Variants in RPF1 observed in about 807,000 individuals in gnomAD.
RPF1 encodes the protein ribosome production factor 1 homolog, also known as ribosome production factor 1.
Under a neutral mutation model 41.9 loss-of-function variants are expected in RPF1, and 34 were observed. The ratio of observed to expected loss-of-function variants is 0.81; its 90% CI spans 0.62 to 1.08. RPF1 has a LOEUF of 1.08. Ranked by LOEUF, RPF1 falls within the 50% of genes least tolerant of loss-of-function variation. RPF1 has a pLI of 0.00. For missense variants in RPF1, 425 were observed against 435.2 expected, an observed-to-expected ratio of 0.98 and a Z score of 0.21; for synonymous variants, 140 against 148.9, an observed-to-expected ratio of 0.94 and a Z score of 0.43.
chr1:84,492,385 T>C (rs935907420), intron 5 of RPF1, among the ~76,000 whole-genome samples: 12 of 152,230 alleles, frequency 7.9e-5, no homozygotes, highest in Non-Finnish European at 1.5e-4. Context: ...TTTTGACTTA[T>C]TCTAAAATAG....
chr1:84,493,587 CAAA>C (rs202049817), intron 5 of RPF1, among the ~76,000 whole-genome samples: 3 of 129,538 alleles, frequency 2.3e-5, no homozygotes, highest in African/African-American at 8.6e-5. Context: ...GAGACCGTCT[CAAA>C]AAAAAAAAAC....
intron 1 of RPF1, among the ~76,000 whole-genome samples, chr1:84,479,949 G>A (rs1681613563): frequency 1.3e-5 from 2 of 152,166 alleles, no homozygotes; most frequent in South Asian, 2.1e-4. Flanking sequence ...ACCGAAATTA[G>A]TACTGTAAAG....
chr1:84,480,814 C>T (rs1681631725), intron 1 of RPF1, 142 bp from the exon 2 acceptor site: 2 of 485,786 alleles, frequency 4.1e-6, no homozygotes, highest in Admixed American at 3.9e-5. Flanking sequence ...TAGAAAACTC[C>T]ACGTCCAGAT....
At chr1:84,480,544 C>T (rs536672090) in intron 1 of RPF1, among the ~76,000 whole-genome samples, 7 of 152,246 alleles carry the variant, frequency 4.6e-5, no homozygotes, top group African/African-American at 1.7e-4. Flanking sequence ...GAAAACTCAG[C>T]TCCCATTCCT....
At chr1:84,486,586 T>TAAAA (rs1456157366) in intron 3 of RPF1, among the ~76,000 whole-genome samples, 1 of 42,610 alleles carries the variant, frequency 2.3e-5, no homozygotes, top group African/African-American at 2.1e-4. Flanking sequence ...AGACTCCGTC[T>TAAAA]CAAAAAAAAA....
intron 4 of RPF1, 131 bp from the exon 5 acceptor site, chr1:84,490,188 T>G: frequency 1.6e-6 from 1 of 619,274 alleles, no homozygotes; most frequent in Non-Finnish European, 2.6e-6. Context: ...CTGTTCGAGT[T>G]TCATGCTTTC....
chr1:84,497,549 T>C lies in RPF1; in HGVS notation c.*79T>C. The C allele has an allele frequency of 9.3e-7, 1 of 1,076,008 alleles. No homozygotes were observed. The highest frequency in any genetic ancestry group is 2.6e-5 in the East Asian group (1 of 38,282). 66.7% of individuals were successfully genotyped at this position (1,076,008 alleles called of 1,614,324 possible). On this transcript the variant is annotated 3_prime_UTR_variant, in exon 9 of 9. Transcript: ENST00000370654. ...GTAAATTATTTTTGACAGAATACTC[T>C]TTTCAAAATGGCATTTGCTGATTTC...
chr1:84,493,815 G>A (rs1006909246), intron 5 of RPF1, among the ~76,000 whole-genome samples: 1 of 152,146 alleles, frequency 6.6e-6, no homozygotes, highest in African/African-American at 2.4e-5. Context: ...AAAAATGCAT[G>A]CTAGGATTCA....
At chr1:84,493,620 CCCTA>C (rs1465704520) in intron 5 of RPF1, among the ~76,000 whole-genome samples, 1 of 151,788 alleles carries the variant, frequency 6.6e-6, no homozygotes, top group Non-Finnish European at 1.5e-5. Context: ...AAATTCCCAT[CCCTA>C]CCTAAGTTTT....
chr1:84,479,613 C>A, intron 1 of RPF1, 104 bp downstream of exon 1: 1 of 1,092,358 alleles, frequency 9.2e-7, no homozygotes, highest in Non-Finnish European at 1.3e-6. Context: ...CAAAAGTGTT[C>A]TCTGTGGCTC....
chr1:84,495,455 G>C lies in RPF1; in HGVS notation c.699G>C (p.Lys233Asn). 3 of 1,351,092 alleles carry C rather than the reference G, an allele frequency of 2.2e-6. No homozygotes were observed. The South Asian group carries it at 3.7e-5, about 17-fold the overall frequency. The allele number at this position is 1,351,092 out of a possible 1,614,324, so 83.7% of individuals were successfully genotyped here. A position where few individuals can be genotyped will look rare whatever the true frequency, so the allele number is the denominator to read the frequency against. The part of the protein sequence containing the change: ...MSSVRLRKEI[K>N]RRGKDPTEHI... The stretch of plus-strand genomic sequence containing the variant: ...GTGTTCGTCTTCGTAAAGAAATTAA[G>C]GTAAGTTTTATACATTTCTTTGATT... Residue 233 changes from lysine (K) to asparagine (N), a missense_variant and splice_region_variant, in exon 6 of 9, where the codon AAG becomes AAC. By Grantham distance (94) the Lys-to-Asn change is moderately conservative. Coordinates refer to ENST00000370654, the MANE Select transcript of RPF1 (RefSeq NM_025065.7).
At chr1:84,490,233 T>G (rs1681807781) in intron 4 of RPF1, 86 bp from the exon 5 acceptor site, 2 of 838,262 alleles carry the variant, frequency 2.4e-6, no homozygotes, top group Admixed American at 3.3e-5. Flanking sequence ...TAATAATTAT[T>G]ATTTCTTTCC....
At position 84,495,323 on chromosome 1, in the gene RPF1, T is replaced by C. The variant is rs374873050; in HGVS notation, c.617-50T>C. 4.0e-4 allele frequency: 345 copies of C among 858,624 alleles called. 1 individual carries two copies. The highest frequency in any genetic ancestry group is 3.2e-3 in the Middle Eastern group (10 of 3,090). 53.2% of individuals were successfully genotyped at this position (858,624 alleles called of 1,614,324 possible). On this transcript the variant is annotated intron_variant, in intron 5 of 8. Transcript: ENST00000370654. ...GTAGAGGACCAGTTATTTAAACAAT[T>C]AGATTTAGATTACAGAGTTCAATGT... is the stretch of plus-strand genomic sequence containing the variant.
chr1:84,497,011 A>G (rs1176765662), intron 8 of RPF1, among the ~76,000 whole-genome samples: 3 of 151,852 alleles, frequency 2.0e-5, no homozygotes, highest in Non-Finnish European at 4.4e-5. Flanking sequence ...AGCTGGGATT[A>G]CAAGTGTGCA....
At chr1:84,490,667 C>T (rs1681817910) in intron 5 of RPF1, among the ~76,000 whole-genome samples, 195 bp downstream of exon 5, 1 of 152,144 alleles carries the variant, frequency 6.6e-6, no homozygotes, top group Admixed American at 6.5e-5. Flanking sequence ...GCACATGCTA[C>T]AGCCAAGAGA....
At chr1:84,492,640 A>G (rs1306933520) in intron 5 of RPF1, among the ~76,000 whole-genome samples, 3 of 152,212 alleles carry the variant, frequency 2.0e-5, no homozygotes, top group Non-Finnish European at 4.4e-5. Flanking sequence ...ATTTTAGTAA[A>G]CGTGGTATAG....
chr1:84,488,220 G>A (rs973056532), intron 3 of RPF1, among the ~76,000 whole-genome samples: 12 of 151,954 alleles, frequency 7.9e-5, no homozygotes, highest in Admixed American at 6.6e-4. Context: ...TTGGGGATAC[G>A]TATGTATGTA....
intron 3 of RPF1, 36 bp from the exon 4 acceptor site, chr1:84,489,597 C>T (rs757440379): frequency 8.5e-7 from 1 of 1,174,718 alleles, no homozygotes; most frequent in Non-Finnish European, 1.3e-6. Context: ...TAGAGTATTT[C>T]TTTGATGTAA....
intron 3 of RPF1, among the ~76,000 whole-genome samples, chr1:84,485,398 G>A (rs75510600): frequency 0.035 from 5,283 of 152,156 alleles, 128 homozygotes; most frequent in African/African-American, 0.053. Flanking sequence ...CCCACCTGGC[G>A]TAAAGGTAAC....
Sources: gnomAD v4.1 joint callset for allele counts (sites outside exome capture counted in the v4.1 genomes callset) on GRCh38, gnomAD v4.1.1 for gene constraint, MANE v1.5 for transcripts, NCBI Gene and HGNC (gene_info 2026-07-23, HGNC 2026-07-21) for gene names.